The following SLC26A3 variants were observed in gnomAD, a reference collection of about 807,000 sequenced individuals.
SLC26A3 encodes solute carrier family 26 member 3.
In SLC26A3, 64 loss-of-function variants were observed where a neutral mutation model predicts 85.6. The ratio of observed to expected loss-of-function variants is 0.75; its 90% CI spans 0.61 to 0.92. The LOEUF is 0.92. Among genes scored for constraint, SLC26A3 ranks in the 40% least tolerant of loss-of-function variants. The pLI, the probability that SLC26A3 is intolerant of heterozygous loss-of-function variation, is 0.00. For missense variants in SLC26A3, 922 were observed against 927.3 expected, an observed-to-expected ratio of 0.99 and a Z score of 0.07; for synonymous variants, 349 against 336.0, an observed-to-expected ratio of 1.04 and a Z score of -0.42.
rs1274033881 is a variant in SLC26A3 at position 107,775,497 on chromosome 7, G to A, written c.1678-625C>T. 2.0e-5 allele frequency among the ~76,000 whole-genome samples: 3 copies of A among 151,968 alleles called. No individual in the cohort carries two copies. In the East Asian group the frequency reaches 5.8e-4, roughly 29 times the overall value. ...CCTAGCACTTTGGGAGGCCGAGGTG[G>A]GAGGATTGCGTGAGGCCACGAGTTC... On this transcript the variant is annotated intron_variant, in intron 15 of 20. Coordinates refer to ENST00000340010, the MANE Select transcript of SLC26A3 (RefSeq NM_000111.3).
chr7:107,796,093 C>T (rs1348533932), intron 1 of SLC26A3, among the ~76,000 whole-genome samples: 1 of 130,958 alleles, frequency 7.6e-6, no homozygotes, highest in African/African-American at 3.1e-5. Flanking sequence ...GTTATGACTC[C>T]CTTATTATTA....
intron 17 of SLC26A3, 127 bp from the exon 18 acceptor site, chr7:107,772,235 G>A: frequency 3.0e-6 from 2 of 673,774 alleles, no homozygotes; most frequent in East Asian, 2.7e-5. Flanking sequence ...TTTGAAAAGA[G>A]ATAATAGTGT....
chr7:107,799,319 C>T (rs1338779916), intron 1 of SLC26A3, among the ~76,000 whole-genome samples: 2 of 152,166 alleles, frequency 1.3e-5, no homozygotes, highest in African/African-American at 4.8e-5. Context: ...GTTTCAAATC[C>T]TTGCCTTGCC....
intron 13 of SLC26A3, 178 bp from the exon 14 acceptor site, chr7:107,776,884 G>A (rs1486861635): frequency 1.0e-5 from 7 of 670,442 alleles, no homozygotes; most frequent in Non-Finnish European, 1.9e-5. Flanking sequence ...TTATCTTTGT[G>A]TCCTCTCACA....
At chr7:107,793,063 A>G (rs1218498436) in intron 3 of SLC26A3, among the ~76,000 whole-genome samples, 1 of 152,240 alleles carries the variant, frequency 6.6e-6, no homozygotes, top group African/African-American at 2.4e-5. Flanking sequence ...TCACTGGGAT[A>G]GCTAAAAGAA....
At position 107,794,493 on chromosome 7, in the gene SLC26A3, C is replaced by T. The variant is rs1439005400; in HGVS notation, c.17G>A (p.Gly6Glu). The change falls in exon 2 of 21, where the codon GGG becomes GAG. Residue 6 changes from glycine (G) to glutamate (E), a missense_variant. Coordinates refer to ENST00000340010, the MANE Select transcript of SLC26A3 (RefSeq NM_000111.3). ...TGGCCTGGCCACAATATACTGATTC[C>T]CAAAGGGTTCAATCATTTTGATTTT... The part of the protein sequence containing the change: MIEPF[G>E]NQYIVARPVY... 6.2e-7 allele frequency: 1 copy of T among 1,613,840 alleles called. No homozygotes were observed. The highest frequency in any genetic ancestry group is 8.5e-7 in the Non-Finnish European group (1 of 1,179,908).
chr7:107,773,655 A>G (rs1235972648), intron 17 of SLC26A3, among the ~76,000 whole-genome samples: 2 of 152,146 alleles, frequency 1.3e-5, no homozygotes, highest in East Asian at 1.9e-4. Context: ...GGTTCAAGCT[A>G]TTCTCCTGCC....
At chr7:107,792,448 C>T (rs1383556866) in intron 3 of SLC26A3, among the ~76,000 whole-genome samples, 1 of 151,804 alleles carries the variant, frequency 6.6e-6, no homozygotes. Context: ...GATCATTAGG[C>T]ATTAGATTCT....
chr7:107,774,749 T>G, intron 16 of SLC26A3, 28 bp downstream of exon 16: 1 of 1,499,554 alleles, frequency 6.7e-7, no homozygotes, highest in Non-Finnish European at 9.3e-7. Flanking sequence ...TTAGCTATAA[T>G]GCATAGAAAT....
At chr7:107,801,319 A>T (rs1455870471) in intron 1 of SLC26A3, among the ~76,000 whole-genome samples, 1 of 151,918 alleles carries the variant, frequency 6.6e-6, no homozygotes, top group Non-Finnish European at 1.5e-5. Flanking sequence ...CAAGAGAGAC[A>T]AGGTAAAAGA....
At chr7:107,796,999 C>G (rs867719459) in intron 1 of SLC26A3, among the ~76,000 whole-genome samples, 4 of 152,154 alleles carry the variant, frequency 2.6e-5, no homozygotes, top group Middle Eastern at 3.4e-3. Context: ...TTGCCGATGA[C>G]AGTGATGGGA....
At chr7:107,785,969 A>G (rs994942961) in intron 8 of SLC26A3, among the ~76,000 whole-genome samples, 1 of 152,232 alleles carries the variant, frequency 6.6e-6, no homozygotes, top group Non-Finnish European at 1.5e-5. Flanking sequence ...TTCTGTGGTT[A>G]GAAGAAACAA....
At chr7:107,795,332 T>C (rs1221353311) in intron 1 of SLC26A3, among the ~76,000 whole-genome samples, 1 of 152,176 alleles carries the variant, frequency 6.6e-6, no homozygotes, top group Non-Finnish European at 1.5e-5. Flanking sequence ...ACTATAGGCA[T>C]TTACTAAATG....
chr7:107,772,716 A>C (rs1384443768), intron 17 of SLC26A3, among the ~76,000 whole-genome samples: 1 of 152,192 alleles, frequency 6.6e-6, no homozygotes, highest in Non-Finnish European at 1.5e-5. Flanking sequence ...ACTAAGAATT[A>C]GAGCCCCTGT....
chr7:107,776,484 T>C lies in SLC26A3; in HGVS notation c.1645A>G (p.Ile549Val), dbSNP rs184317244. The C allele has an allele frequency of 4.3e-6, 7 of 1,613,972 alleles. No individual in the cohort carries two copies. The highest frequency in any genetic ancestry group is 3.3e-5 in the Admixed American group (2 of 60,028). The change falls in exon 15 of 21, where the codon ATT becomes GTT. Residue 549 changes from isoleucine (I) to valine (V), a missense_variant. Coordinates refer to ENST00000340010, the MANE Select transcript of SLC26A3 (RefSeq NM_000111.3). ...ATAAGTTTCCGCCTAAAGAAACCAA[T>C]GTTTGCAAAGTAGATAGGAGATGGA... The part of the protein sequence containing the change: ...RCPSPIYFAN[I>V]GFFRRKLIDA...
chr7:107,787,499 G>C lies in SLC26A3; in HGVS notation c.746C>G (p.Ser249Cys). 6.2e-7 allele frequency: 1 copy of C among 1,613,322 alleles called. No individual in the cohort carries two copies. The highest frequency in any genetic ancestry group is 8.5e-7 in the Non-Finnish European group (1 of 1,179,642). Residue 249 changes from serine to cysteine, a missense_variant, in exon 7 of 21, where the codon TCT (serine) becomes TGT (cysteine). Physicochemically the swap from Ser to Cys is moderately radical, Grantham distance 112. Coordinates refer to ENST00000340010, the MANE Select transcript of SLC26A3 (RefSeq NM_000111.3). ...AGTCTTCTCTATTTGTGAGAATACA[G>C]AGTATAGTACCTACAATTATAAAAA... ...DPVSIFKVLYSVFSQIEKTNI... is the reference protein window; with the variant it reads ...DPVSIFKVLYCVFSQIEKTNI...
At chr7:107,785,109 G>A (rs1794271364) in intron 8 of SLC26A3, among the ~76,000 whole-genome samples, 1 of 152,186 alleles carries the variant, frequency 6.6e-6, no homozygotes, top group Non-Finnish European at 1.5e-5. Flanking sequence ...TAATTTAGGT[G>A]TTAAACTAGT....
chr7:107,776,226 T>A, intron 15 of SLC26A3: 1 of 552,120 alleles, frequency 1.8e-6, no homozygotes, highest in Non-Finnish European at 3.2e-6. Flanking sequence ...GAGAAAAGGA[T>A]TCTTCTATAT....
In SLC26A3 at chr7:107,783,306, C is replaced by T. The variant is rs758633508; in HGVS notation, c.1018G>A (p.Val340Ile). ...ATTGCGATGCCGAAGCAATCTCCTA[C>T]GGTGTTTTGGAAAGTCTCCACGTCA... ...TPDVETFQNT[V>I]GDCFGIAMVA... The change falls in exon 9 of 21, where the codon GTA becomes ATA. Residue 340 changes from valine to isoleucine, a missense_variant. Val to Ile is a conservative substitution (Grantham distance 29). Transcript: ENST00000340010. 24 of 1,614,034 alleles carry T rather than the reference C, an allele frequency of 1.5e-5. No homozygotes were observed. The highest frequency in any genetic ancestry group is 7.7e-5 in the South Asian group (7 of 91,084).
Sources: allele counts gnomAD v4.1 joint callset (sites outside exome capture counted in the v4.1 genomes callset), GRCh38; gene constraint gnomAD v4.1.1; transcripts MANE v1.5; gene names NCBI Gene and HGNC (gene_info 2026-07-23, HGNC 2026-07-21).